MALRD1: variants seen among roughly 807,000 people sequenced by gnomAD.
MALRD1 encodes the protein MAM and LDL-receptor class A domain-containing protein 1.
MALRD1 carries 247 observed loss-of-function variants against 242.1 expected under a neutral mutation model. The ratio of observed to expected loss-of-function variants is 1.02; its 90% confidence interval spans 0.92 to 1.13. MALRD1 has a LOEUF of 1.13. MALRD1 is among the 50% of genes most tolerant of loss of function. The pLI is 0.00. For synonymous variants in MALRD1, 995 were observed against 866.6 expected (o/e 1.15, Z -2.60); for missense variants, 2,989 against 2,533.1 (o/e 1.18, Z -3.86).
chr10:19,505,777 G>C (rs1005059391), intron 31 of MALRD1, among the ~76,000 whole-genome samples: 2 of 152,132 alleles, frequency 1.3e-5, no homozygotes, highest in African/African-American at 2.4e-5. Context: ...TCTCTCTCAG[G>C]ATAAAGTCAG....
rs1203473480 is a variant in MALRD1, at chr10:19,389,604, A to T, written c.4840A>T (p.Ile1614Phe). 2 of 1,549,588 alleles carry T rather than the reference A, an allele frequency of 1.3e-6. No individual in the cohort carries two copies. Among genetic ancestry groups the T allele is most frequent in the Admixed American group, 3.9e-5 (2 of 50,856 alleles). ...GGCCACAGGATCCATTCAGATTCTC[A>T]TCAAGGTAGGAACATGGCCTGTGAT... ...AKATGSIQIL[I>F]KTEKGLSKVW... Residue 1614 changes from isoleucine (I) to phenylalanine (F), a missense_variant, in exon 28 of 40, where the codon ATC becomes TTC. Coordinates refer to ENST00000454679, the MANE Select transcript of MALRD1 (RefSeq NM_001142308.3).
chr10:19,508,013 G>T (rs1833218512), intron 31 of MALRD1, among the ~76,000 whole-genome samples: 1 of 151,892 alleles, frequency 6.6e-6, no homozygotes, highest in African/African-American at 2.4e-5. Flanking sequence ...TTGTAGCAAA[G>T]GGGGAAAGAA....
chr10:19,137,772 A>G (rs1039453257), intron 10 of MALRD1, among the ~76,000 whole-genome samples: 1 of 152,168 alleles, frequency 6.6e-6, no homozygotes, highest in African/African-American at 2.4e-5. Context: ...AGTTCAACAA[A>G]AATATAATTT....
chr10:19,081,581 A>T (rs1325049704), intron 2 of MALRD1, among the ~76,000 whole-genome samples: 1 of 152,090 alleles, frequency 6.6e-6, no homozygotes, highest in Non-Finnish European at 1.5e-5. Flanking sequence ...ACAGGGACAC[A>T]TGGCAGGGAA....
chr10:19,252,076 G>A (rs1454536375), intron 18 of MALRD1, among the ~76,000 whole-genome samples: 1 of 152,000 alleles, frequency 6.6e-6, no homozygotes, highest in Non-Finnish European at 1.5e-5. Flanking sequence ...AGATTACCCA[G>A]TCTCACATAG....
At chr10:19,692,661 C>G (rs965030898) in intron 38 of MALRD1, 107 bp downstream of exon 38, 1 of 828,636 alleles carries the variant, frequency 1.2e-6, no homozygotes, top group African/African-American at 1.7e-5. Flanking sequence ...ATGCAGGAAA[C>G]TTTAGTGTTT....
intron 36 of MALRD1, among the ~76,000 whole-genome samples, chr10:19,639,128 G>A (rs1015872440): frequency 6.6e-6 from 1 of 152,032 alleles, no homozygotes; most frequent in African/African-American, 2.4e-5. Flanking sequence ...GTTTAAAAAT[G>A]AGCAATATTT....
rs535695965 is a variant in MALRD1 at position 19,594,600 on chromosome 10, A to G, written c.5681-594A>G. Among the ~76,000 whole-genome samples, 291 of 152,318 alleles carry G rather than the reference A, an allele frequency of 1.9e-3. 2 individuals carry two copies. The highest frequency in any genetic ancestry group is 6.7e-3 in the African/African-American group (280 of 41,590). ...AACCAACCCAAATGCCCATCAATCA[A>G]CAAGTTGATAAAGAAAATGTAGTAC... is the stretch of plus-strand genomic sequence containing the variant. On this transcript the variant is annotated intron_variant, in intron 33 of 39. Transcript: ENST00000454679.
intron 28 of MALRD1, among the ~76,000 whole-genome samples, chr10:19,435,466 G>C (rs1477288702): frequency 6.6e-6 from 1 of 152,086 alleles, no homozygotes; most frequent in Non-Finnish European, 1.5e-5. Context: ...GGTTGTGACA[G>C]TTTCCCAGTC....
rs530598633 is a variant in MALRD1 at position 19,252,323 on chromosome 10, A to G, written c.2992-5361A>G. On this transcript the variant is annotated intron_variant, in intron 18 of 39. Transcript: ENST00000454679. ...GACTGGGTCCAGCCCAAGGGCCACC[A>G]TTTAGTCTTCTCTATCGTAAATGGT... Among the ~76,000 whole-genome samples the G allele has an allele frequency of 5.9e-5, 9 of 152,148 alleles. No homozygotes were observed. In the South Asian group the frequency reaches 1.9e-3, roughly 32 times the overall value.
At chr10:19,645,292 A>G (rs1431571081) in intron 36 of MALRD1, among the ~76,000 whole-genome samples, 4 of 152,224 alleles carry the variant, frequency 2.6e-5, no homozygotes, top group African/African-American at 9.6e-5. Flanking sequence ...ACTGTCAACT[A>G]GTTCAACCAT....
chr10:19,103,866 G>A (rs1836369433), intron 4 of MALRD1, 113 bp from the exon 5 acceptor site: 4 of 519,212 alleles, frequency 7.7e-6, no homozygotes, highest in Admixed American at 4.4e-5. Flanking sequence ...TCACCCAAGT[G>A]CTTCTAGAGA....
chr10:19,113,427 C>T (rs948935123), intron 5 of MALRD1, among the ~76,000 whole-genome samples: 8 of 151,944 alleles, frequency 5.3e-5, no homozygotes, highest in Non-Finnish European at 1.0e-4. Flanking sequence ...AGCCTCATTC[C>T]ATGACTTTTC....
intron 26 of MALRD1, among the ~76,000 whole-genome samples, chr10:19,384,601 T>C (rs1845994377): frequency 7.8e-6 from 1 of 128,174 alleles, no homozygotes; most frequent in African/African-American, 3.0e-5. Context: ...TTATATAATA[T>C]ATAGTATATA....
chr10:19,280,251 A>C, intron 20 of MALRD1, 28 bp downstream of exon 20: 1 of 1,433,968 alleles, frequency 7.0e-7, no homozygotes, highest in Non-Finnish European at 9.2e-7. Context: ...ATTTGTTTAA[A>C]TACTGCTACA....
At position 19,730,244 on chromosome 10, in the gene MALRD1, T is replaced by C. The variant is rs185215385; in HGVS notation, c.6315-462T>C. Among the ~76,000 whole-genome samples the C allele has an allele frequency of 7.9e-5, 12 of 152,338 alleles. No homozygotes were observed. In the East Asian group the frequency reaches 2.3e-3, roughly 29 times the overall value. ...TTAAAATGTTAAAGACTATGACTCA[T>C]GTGCTACAGATCTTTATGACAGATA... is the stretch of plus-strand genomic sequence containing the variant. On this transcript the variant is annotated intron_variant, in intron 38 of 39. Transcript: ENST00000454679.
At chr10:19,334,014 A>G (rs1448350432) in intron 24 of MALRD1, among the ~76,000 whole-genome samples, 3 of 150,592 alleles carry the variant, frequency 2.0e-5, no homozygotes, top group Non-Finnish European at 4.4e-5. Context: ...TGCTGAATTG[A>G]CTAAATTCTT....
At chr10:19,553,351 C>T (rs967331745) in intron 32 of MALRD1, among the ~76,000 whole-genome samples, 1 of 151,930 alleles carries the variant, frequency 6.6e-6, no homozygotes, top group African/African-American at 2.4e-5. Flanking sequence ...TCATATATCT[C>T]ATGTTATCAA....
intron 29 of MALRD1, among the ~76,000 whole-genome samples, chr10:19,472,566 A>T (rs897698794): frequency 1.3e-5 from 2 of 151,938 alleles, no homozygotes; most frequent in African/African-American, 4.8e-5. Context: ...TTGATGACTG[A>T]TTCAATCTCT....
Sources: allele counts gnomAD v4.1 joint callset (sites outside exome capture counted in the v4.1 genomes callset), GRCh38; gene constraint gnomAD v4.1.1; transcripts MANE v1.5; gene names NCBI Gene and HGNC (gene_info 2026-07-23, HGNC 2026-07-21).